LOXL2: variants seen among roughly 807,000 people sequenced by gnomAD.
The protein encoded by LOXL2 is lysyl oxidase like 2, also known as lysyl oxidase homolog 2.
Under a neutral mutation model 93.0 loss-of-function variants are expected in LOXL2, and 70 were observed. The ratio of observed to expected loss-of-function variants is 0.75; its 90% CI spans 0.62 to 0.92. LOXL2 has a LOEUF of 0.92. Among genes scored for constraint, LOXL2 ranks in the 40% least tolerant of loss-of-function variants. LOXL2 has a pLI of 0.00. For missense variants in LOXL2, 973 were observed against 1,054.9 expected, an observed-to-expected ratio of 0.92 and a Z score of 1.08; for synonymous variants, 438 against 413.2, an observed-to-expected ratio of 1.06 and a Z score of -0.73.
chr8:23,386,088 A>G (rs1440414617), intron 1 of LOXL2: 2 of 764,204 alleles, frequency 2.6e-6, no homozygotes, highest in South Asian at 1.3e-5. Flanking sequence ...TGATTTTCCT[A>G]TAGTCACACT....
intron 2 of LOXL2, among the ~76,000 whole-genome samples, chr8:23,367,650 C>T (rs371608088): frequency 1.8e-4 from 27 of 152,284 alleles, no homozygotes; most frequent in South Asian, 6.2e-4. Context: ...GCATATGGGG[C>T]GGAGAGAGGA....
chr8:23,399,432 C>T (rs1373192607), intron 1 of LOXL2, among the ~76,000 whole-genome samples: 2 of 152,236 alleles, frequency 1.3e-5, no homozygotes, highest in East Asian at 1.9e-4. Flanking sequence ...AGTGCTCTGC[C>T]CTCATAAACT....
rs145002005 is a variant in LOXL2 at position 23,317,003 on chromosome 8, C to T, written c.1582G>A (p.Val528Met). 1.7e-5 allele frequency: 27 copies of T among 1,614,012 alleles called. No individual in the cohort carries two copies. The highest frequency in any genetic ancestry group is 2.2e-5 in the East Asian group (1 of 44,900). Residue 528 changes from valine (V) to methionine (M), a missense_variant, in exon 9 of 14, where the codon GTG (valine) becomes ATG (methionine). Physicochemically the swap from Val to Met is conservative, Grantham distance 21. Coordinates refer to ENST00000389131, the MANE Select transcript of LOXL2 (RefSeq NM_002318.3). ...TGCACTCCGCCCTGGGGGCAGGCCACGTCCTCCCCGTCGTGGCGGCAGTGC... is the reference window on the plus strand; with the variant it reads ...TGCACTCCGCCCTGGGGGCAGGCCATGTCCTCCCCGTCGTGGCGGCAGTGC... Reference protein sequence around the residue: ...LAHCRHDGEDVACPQGGVQYG... With the variant: ...LAHCRHDGEDMACPQGGVQYG...
chr8:23,313,242 A>G (rs904246114), intron 9 of LOXL2, among the ~76,000 whole-genome samples: 3 of 152,166 alleles, frequency 2.0e-5, no homozygotes, highest in Non-Finnish European at 4.4e-5. Context: ...TACAGATTCA[A>G]TGCCATCCCC....
rs758413619 is a variant in LOXL2 at position 23,298,049 on chromosome 8, C to T, written c.2319G>A (p.Pro773=). ...GTTGACCACGCAGGCTTCTTTACTG[C>T]GGGGACAGCTGGTTGTTTAAGAGCC... ...FSGLLNNQLS[P]Q The change falls in exon 14 of 14, where the codon CCG becomes CCA. Residue 773 remains proline (P), a synonymous_variant. Coordinates refer to ENST00000389131, the MANE Select transcript of LOXL2 (RefSeq NM_002318.3). 46 of 1,613,274 alleles carry T rather than the reference C, an allele frequency of 2.9e-5. No individual in the cohort carries two copies. Among genetic ancestry groups the T allele is most frequent in the Admixed American group, 3.3e-5 (2 of 59,954 alleles).
At chr8:23,347,828 C>T (rs1804019374) in intron 3 of LOXL2, among the ~76,000 whole-genome samples, 1 of 152,020 alleles carries the variant, frequency 6.6e-6, no homozygotes, top group Admixed American at 6.6e-5. Context: ...AAAAAATTAG[C>T]TGGGCACCAG....
intron 2 of LOXL2, among the ~76,000 whole-genome samples, chr8:23,367,068 A>G (rs1406090783): frequency 6.6e-6 from 1 of 152,050 alleles, no homozygotes; most frequent in South Asian, 2.1e-4. Context: ...TGTTTTTTTG[A>G]GATGGAGTCT....
intron 12 of LOXL2, 23 bp downstream of exon 12, chr8:23,302,004 G>T: frequency 6.2e-7 from 1 of 1,613,632 alleles, no homozygotes; most frequent in East Asian, 2.2e-5. Flanking sequence ...TGCAGGGCTG[G>T]AACCCCTTCC....
At chr8:23,362,725 C>T (rs1804321103) in intron 2 of LOXL2, among the ~76,000 whole-genome samples, 1 of 152,048 alleles carries the variant, frequency 6.6e-6, no homozygotes, top group African/African-American at 2.4e-5. Flanking sequence ...CAGGGAGACC[C>T]TGTCTCCAGA....
chr8:23,297,911 G>A lies in LOXL2; in HGVS notation c.*132C>T. 2 of 685,854 alleles carry A rather than the reference G, an allele frequency of 2.9e-6. No homozygotes were observed. The highest frequency in any genetic ancestry group is 1.8e-5 in the South Asian group (1 of 56,542). 42.5% of individuals were successfully genotyped at this position (685,854 alleles called of 1,614,324 possible). A position where few individuals can be genotyped will look rare whatever the true frequency, so the allele number is the denominator to read the frequency against. On this transcript the variant is annotated 3_prime_UTR_variant, in exon 14 of 14. Transcript: ENST00000389131. ...TTTCCTCCTGAGCTTAGACACAGCT[G>A]TAGGGGTCTGGACAGGGTGGGGGCC...
In LOXL2 at chr8:23,333,655, G is replaced by A. The variant is rs759856613; in HGVS notation, c.744-32C>T. ...ACGATGGGAGGGGACAGGGGACCAG[G>A]GCATCATGACGCCTACCCCGATTCC... On this transcript the variant is annotated intron_variant, in intron 4 of 13. Transcript: ENST00000389131. 2.5e-6 allele frequency: 4 copies of A among 1,573,164 alleles called. No homozygotes were observed. In the South Asian group the frequency reaches 4.4e-5, roughly 17 times the overall value.
At chr8:23,328,297 G>C (rs1295141572) in intron 6 of LOXL2, 85 bp downstream of exon 6, 1 of 1,438,806 alleles carries the variant, frequency 7.0e-7, no homozygotes, top group East Asian at 2.3e-5. Flanking sequence ...AGGATTTCCC[G>C]AGAGCTCACG....
chr8:23,372,424 G>C (rs1804511228), intron 1 of LOXL2, among the ~76,000 whole-genome samples: 1 of 151,934 alleles, frequency 6.6e-6, no homozygotes, highest in African/African-American at 2.4e-5. Flanking sequence ...CACCATGTTG[G>C]CCAGGCTGGT....
At chr8:23,395,915 C>A (rs1800083116) in intron 1 of LOXL2, among the ~76,000 whole-genome samples, 1 of 152,072 alleles carries the variant, frequency 6.6e-6, no homozygotes, top group African/African-American at 2.4e-5. Flanking sequence ...CTCAGGCAAT[C>A]CCCCAACCTT....
chr8:23,302,364 G>T (rs1803149528), intron 11 of LOXL2, among the ~76,000 whole-genome samples: 1 of 152,114 alleles, frequency 6.6e-6, no homozygotes, highest in South Asian at 2.1e-4. Context: ...TCTCAGGCCA[G>T]GCTCAAGTTC....
In LOXL2 at chr8:23,387,182, T is replaced by A. The variant is rs76289863; in HGVS notation, c.-84+16772A>T. ...AGGGAGAAATTATCCCCCAATATGG[T>A]CTCACTGGGCTTTTGACTGCACGGC... is the stretch of plus-strand genomic sequence containing the variant. On this transcript the variant is annotated intron_variant, in intron 1 of 13. Coordinates refer to ENST00000389131, the MANE Select transcript of LOXL2 (RefSeq NM_002318.3). Among the ~76,000 whole-genome samples the A allele has an allele frequency of 7.2e-5, 11 of 152,264 alleles. No individual in the cohort carries two copies. In the East Asian group the frequency reaches 2.1e-3, roughly 29 times the overall value.
At chr8:23,316,321 G>A (rs1803401033) in intron 9 of LOXL2, among the ~76,000 whole-genome samples, 2 of 152,198 alleles carry the variant, frequency 1.3e-5, no homozygotes, top group Admixed American at 1.3e-4. Flanking sequence ...CAGCACCTGG[G>A]CCTCCCAATG....
intron 1 of LOXL2, among the ~76,000 whole-genome samples, chr8:23,373,571 T>C (rs1307169767): frequency 1.3e-5 from 2 of 152,224 alleles, no homozygotes; most frequent in African/African-American, 4.8e-5. Flanking sequence ...AGCCAATGAA[T>C]TGCCAAAGGT....
At chr8:23,307,777 A>G (rs4538893) in intron 10 of LOXL2, among the ~76,000 whole-genome samples, 139,983 of 152,028 alleles carry the variant, frequency 0.92, 64,653 homozygotes, top group East Asian at 1. Context: ...GAAGAAGACT[A>G]GCCTGCTTCT....
Sources: gnomAD v4.1 joint callset for allele counts (sites outside exome capture counted in the v4.1 genomes callset) on GRCh38, gnomAD v4.1.1 for gene constraint, MANE v1.5 for transcripts, NCBI Gene and HGNC (gene_info 2026-07-23, HGNC 2026-07-21) for gene names.